ASPH: variants seen among roughly 807,000 people sequenced by gnomAD.
ASPH encodes the protein aspartate beta-hydroxylase, also known as aspartyl/asparaginyl beta-hydroxylase.
In ASPH, 100 loss-of-function variants were observed where a neutral mutation model predicts 118.4. The observed-to-expected ratio is 0.84, with a 90% CI of 0.72 to 1.00. ASPH has a LOEUF of 1.00. ASPH is among the 50% of genes least tolerant of loss of function. The pLI is 0.00. For synonymous variants in ASPH, 315 were observed against 325.6 expected, an observed-to-expected ratio of 0.97 and a Z score of 0.35; for missense variants, 920 against 919.5, an observed-to-expected ratio of 1.00 and a Z score of -0.01.
At chr8:61,579,502 G>C in intron 15 of ASPH, 3 of 1,583,172 alleles carry the variant, frequency 1.9e-6, no homozygotes, top group Non-Finnish European at 2.6e-6. Context: ...TCGGCCTATG[G>C]GGGCCTCACA....
Position 61,682,591 on chromosome 8 carries a change from G to C in ASPH, c.253+1448C>G, listed in dbSNP as rs900149063. The C allele has an allele frequency of 7.4e-6, 8 of 1,075,606 alleles. No homozygotes were observed. The Admixed American group carries it at 1.6e-4, about 21-fold the overall frequency. 66.6% of individuals were successfully genotyped at this position (1,075,606 alleles called of 1,614,324 possible). On this transcript the variant is annotated intron_variant, in intron 2 of 24. Coordinates refer to ENST00000379454, the MANE Select transcript of ASPH (RefSeq NM_004318.4). ...CCTAACAACATATCACTGTAAGTCA[G>C]TCAAAGCATAGATCTACTCAGAAAT...
At chr8:61,522,053 T>C (rs917957310) in intron 22 of ASPH, among the ~76,000 whole-genome samples, 2 of 152,212 alleles carry the variant, frequency 1.3e-5, no homozygotes, top group Non-Finnish European at 2.9e-5. Flanking sequence ...TGACTGCACA[T>C]GTGTGGCATA....
chr8:61,546,094 C>G (rs1001440052), intron 21 of ASPH, among the ~76,000 whole-genome samples: 1 of 152,148 alleles, frequency 6.6e-6, no homozygotes, highest in East Asian at 1.9e-4. Flanking sequence ...CCATTTACGG[C>G]TGGGGTGGTA....
chr8:61,694,392 A>AT (rs1415094913), intron 1 of ASPH, among the ~76,000 whole-genome samples: 1 of 151,788 alleles, frequency 6.6e-6, no homozygotes, highest in Admixed American at 6.6e-5. Flanking sequence ...CTCTGTTTTC[A>AT]TTTTCTAACC....
chr8:61,655,547 T>C (rs1233231846), intron 3 of ASPH, among the ~76,000 whole-genome samples: 1 of 152,184 alleles, frequency 6.6e-6, no homozygotes, highest in Non-Finnish European at 1.5e-5. Flanking sequence ...ACGATAAAGA[T>C]CTAAACTGCC....
At chr8:61,507,484 C>T (rs1374268354) in intron 24 of ASPH, among the ~76,000 whole-genome samples, 1 of 152,106 alleles carries the variant, frequency 6.6e-6, no homozygotes, top group African/African-American at 2.4e-5. Context: ...TAGATTTCTT[C>T]TGAATTCTTA....
In ASPH at chr8:61,692,960, GA is replaced by G. The variant is rs1833001196; in HGVS notation, c.104-8773del. Among the ~76,000 whole-genome samples, 6 of 145,654 alleles carry G rather than the reference GA, an allele frequency of 4.1e-5. No homozygotes were observed. The South Asian group carries it at 1.1e-3, about 27-fold the overall frequency. On this transcript the variant is annotated intron_variant, in intron 1 of 24. Transcript: ENST00000379454. The stretch of plus-strand genomic sequence containing the variant: ...ACCCACCAGAAGGAAAAAAAAAAAA[GA>G]AAAAAAGAAAACGATGACATCAACA...
At chr8:61,602,928 C>A (rs1480364589) in intron 14 of ASPH, among the ~76,000 whole-genome samples, 1 of 152,072 alleles carries the variant, frequency 6.6e-6, no homozygotes, top group Non-Finnish European at 1.5e-5. Context: ...CGTGGTGGCT[C>A]ATGCCTGTAA....
chr8:61,610,453 A>G (rs1332268127), intron 14 of ASPH, among the ~76,000 whole-genome samples: 2 of 152,230 alleles, frequency 1.3e-5, no homozygotes, highest in African/African-American at 2.4e-5. Context: ...TTCTCTCTAA[A>G]TCAGACTTGT....
chr8:61,531,142 T>G (rs4738905), intron 21 of ASPH, among the ~76,000 whole-genome samples: 81,038 of 152,150 alleles, frequency 0.53, 25,693 homozygotes, highest in Non-Finnish European at 0.7. Context: ...CACTTCATAC[T>G]ATTTCTTCAC....
chr8:61,517,450 C>A, intron 24 of ASPH, 78 bp downstream of exon 24: 1 of 1,544,548 alleles, frequency 6.5e-7, no homozygotes, highest in South Asian at 1.2e-5. Context: ...GATAAGTAAT[C>A]CAAAGGAACA....
chr8:61,653,432 C>G lies in ASPH; in HGVS notation c.415+136G>C, dbSNP rs1040799747. The G allele has an allele frequency of 1.1e-4, 87 of 788,132 alleles. No individual in the cohort carries two copies. In the African/African-American group the frequency reaches 1.4e-3, roughly 13 times the overall value. 48.8% of individuals were successfully genotyped at this position (788,132 alleles called of 1,614,324 possible). On this transcript the variant is annotated intron_variant, in intron 4 of 24. Transcript: ENST00000379454. ...CTACTAGAAAAATACTACATAATTT[C>G]AGAAGAGAAAAAAAGTAGTTAATTA...
At chr8:61,578,572 T>G in intron 15 of ASPH, 1 of 1,522,402 alleles carries the variant, frequency 6.6e-7, no homozygotes, top group Admixed American at 1.7e-5. Context: ...CAGAACAAGA[T>G]GCTGGAGACC....
At chr8:61,596,130 T>C (rs1368010552) in intron 14 of ASPH, among the ~76,000 whole-genome samples, 1 of 152,056 alleles carries the variant, frequency 6.6e-6, no homozygotes, top group African/African-American at 2.4e-5. Context: ...AACCTGGAGA[T>C]TGGTTCACCT....
chr8:61,515,764 T>C (rs1810675131), intron 24 of ASPH, among the ~76,000 whole-genome samples: 1 of 152,214 alleles, frequency 6.6e-6, no homozygotes, highest in African/African-American at 2.4e-5. Flanking sequence ...CACCCTCCAC[T>C]GTCCAAAGAC....
intron 3 of ASPH, among the ~76,000 whole-genome samples, chr8:61,670,650 T>C (rs1265249170): frequency 6.6e-6 from 1 of 151,932 alleles, no homozygotes; most frequent in Admixed American, 6.6e-5. Flanking sequence ...CGCAGGCATG[T>C]CTGTAAGAAA....
At chr8:61,640,571 ATAT>A (rs1804663841) in intron 10 of ASPH, among the ~76,000 whole-genome samples, 1 of 152,196 alleles carries the variant, frequency 6.6e-6, no homozygotes, top group South Asian at 2.1e-4. Context: ...TCTTGATTAC[ATAT>A]TCTTGTTACC....
chr8:61,653,187 C>A (rs1331380576), intron 4 of ASPH, among the ~76,000 whole-genome samples: 1 of 152,084 alleles, frequency 6.6e-6, no homozygotes, highest in Admixed American at 6.6e-5. Context: ...GACTGAGAAA[C>A]CACTAGATCT....
At chr8:61,590,497 T>C (rs1276901311) in intron 14 of ASPH, among the ~76,000 whole-genome samples, 1 of 152,076 alleles carries the variant, frequency 6.6e-6, no homozygotes, top group Non-Finnish European at 1.5e-5. Context: ...GGCTGCCATT[T>C]TGCTTCTGAT....
Sources: allele counts gnomAD v4.1 joint callset (sites outside exome capture counted in the v4.1 genomes callset), GRCh38; gene constraint gnomAD v4.1.1; transcripts MANE v1.5; gene names NCBI Gene and HGNC (gene_info 2026-07-23, HGNC 2026-07-21).